EDN1: variants seen among roughly 807,000 people sequenced by gnomAD.
EDN1 encodes the protein endothelin-1.
In EDN1, 11 loss-of-function variants were observed where a neutral mutation model predicts 21.7. The ratio of observed to expected loss-of-function variants is 0.51; its 90% CI spans 0.32 to 0.84. The LOEUF (loss-of-function observed/expected upper bound fraction) is 0.84. Ranked by LOEUF, EDN1 falls within the 40% of genes least tolerant of loss-of-function variation. EDN1 has a pLI of 0.03. For synonymous variants in EDN1, 85 were observed against 90.6 expected, an observed-to-expected ratio of 0.94 and a Z score of 0.35; for missense variants, 244 against 262.3, an observed-to-expected ratio of 0.93 and a Z score of 0.48.
the EDN1 span, among the ~76,000 whole-genome samples, chr6:12,247,517 T>A: frequency 7.2e-6 from 1 of 138,868 alleles, no homozygotes; most frequent in South Asian, 2.3e-4. Context: ...GGATGATTTC[T>A]TTTTTTTTTT....
the EDN1 span, among the ~76,000 whole-genome samples, chr6:12,269,470 T>C: frequency 1.3e-5 from 2 of 152,112 alleles, no homozygotes; most frequent in Non-Finnish European, 2.9e-5. Context: ...GTTTGTCATA[T>C]ATGGCCTTTA....
the EDN1 span, among the ~76,000 whole-genome samples, chr6:12,276,161 C>CA: frequency 3.0e-3 from 204 of 68,604 alleles, 7 homozygotes; most frequent in African/African-American, 7.8e-3. Context: ...GACTCCATCT[C>CA]AAAAAAAAAA....
chr6:12,270,013 T>C, the EDN1 span, among the ~76,000 whole-genome samples: 14 of 152,078 alleles, frequency 9.2e-5, no homozygotes, highest in Admixed American at 5.2e-4. Flanking sequence ...TGTTTTCTGT[T>C]TCTTCATAAT....
the EDN1 span, among the ~76,000 whole-genome samples, chr6:12,239,318 A>ATG: frequency 6.6e-6 from 1 of 152,216 alleles, no homozygotes; most frequent in Admixed American, 6.5e-5. Flanking sequence ...TTATACTTGG[A>ATG]TGTTCTTGTT....
At chr6:12,287,271 C>A (rs1762571256), upstream of EDN1, among the ~76,000 whole-genome samples, 1 of 151,988 alleles carries the variant, frequency 6.6e-6, no homozygotes, top group Admixed American at 6.5e-5. Flanking sequence ...TTTCCCCCTG[C>A]AGTCCTCTGA....
upstream of EDN1, among the ~76,000 whole-genome samples, chr6:12,289,258 G>T (rs1762617056): frequency 1.3e-5 from 2 of 152,028 alleles, no homozygotes; most frequent in Non-Finnish European, 2.9e-5. Flanking sequence ...CACCTTCCTT[G>T]CATATTCACT....
chr6:12,246,114 G>A, the EDN1 span, among the ~76,000 whole-genome samples: 1 of 152,264 alleles, frequency 6.6e-6, no homozygotes, highest in East Asian at 1.9e-4. Context: ...TATGGCTCTT[G>A]AAAATGCTCT....
At chr6:12,286,241 C>G (rs1369158859), upstream of EDN1, among the ~76,000 whole-genome samples, 5 of 152,002 alleles carry the variant, frequency 3.3e-5, no homozygotes, top group Non-Finnish European at 5.9e-5. Context: ...GATGAGTGTC[C>G]AAGAAATAGA....
the EDN1 span, among the ~76,000 whole-genome samples, chr6:12,259,965 A>G: frequency 3.0e-5 from 4 of 131,770 alleles, no homozygotes; most frequent in African/African-American, 1.8e-4. Flanking sequence ...AAAGTAAAAT[A>G]ATTAACCCTA....
At chr6:12,266,491 GAC>G in the EDN1 span, among the ~76,000 whole-genome samples, 2 of 152,300 alleles carry the variant, frequency 1.3e-5, no homozygotes, top group Admixed American at 1.3e-4. Flanking sequence ...AGGCAGGAAA[GAC>G]ACAGTCCCTC....
the EDN1 span, among the ~76,000 whole-genome samples, chr6:12,283,152 T>TA: frequency 6.6e-6 from 1 of 152,312 alleles, no homozygotes. Context: ...CATTTTCAAA[T>TA]AAAAACAAAT....
the EDN1 span, among the ~76,000 whole-genome samples, chr6:12,232,139 T>C: frequency 1.5e-5 from 2 of 136,582 alleles, no homozygotes; most frequent in Non-Finnish European, 3.3e-5. Context: ...TAATATAATA[T>C]AATAAAGTGT....
chr6:12,234,987 A>C, the EDN1 span, among the ~76,000 whole-genome samples: 2 of 152,226 alleles, frequency 1.3e-5, no homozygotes, highest in Admixed American at 6.5e-5. Context: ...TATTCTTTAA[A>C]AGGATGATTT....
At chr6:12,237,382 C>T in the EDN1 span, among the ~76,000 whole-genome samples, 4 of 152,190 alleles carry the variant, frequency 2.6e-5, no homozygotes, top group South Asian at 4.1e-4. Context: ...GTTTTCAGGT[C>T]GGAGATAGTC....
upstream of EDN1, among the ~76,000 whole-genome samples, chr6:12,286,404 T>C (rs1481422101): frequency 6.6e-6 from 1 of 152,244 alleles, no homozygotes; most frequent in East Asian, 1.9e-4. Context: ...ACAGGCCTAA[T>C]AACTATATTA....
chr6:12,258,532 A>G, the EDN1 span, among the ~76,000 whole-genome samples: 3 of 151,660 alleles, frequency 2.0e-5, no homozygotes, highest in South Asian at 6.2e-4. Context: ...TTTTCATCAA[A>G]GGATTTATTT....
the EDN1 span, among the ~76,000 whole-genome samples, chr6:12,269,252 A>G: frequency 3.3e-5 from 5 of 152,076 alleles, no homozygotes; most frequent in Non-Finnish European, 5.9e-5. Flanking sequence ...AGGTTTTTCT[A>G]TATGCAAGTT....
At chr6:12,268,052 A>T in the EDN1 span, among the ~76,000 whole-genome samples, 1 of 152,206 alleles carries the variant, frequency 6.6e-6, no homozygotes, top group African/African-American at 2.4e-5. Flanking sequence ...TATTTTTTTT[A>T]AATGGCTTTC....
the EDN1 span, among the ~76,000 whole-genome samples, chr6:12,242,785 C>T: frequency 2.6e-5 from 4 of 152,024 alleles, no homozygotes; most frequent in African/African-American, 9.7e-5. Context: ...TCCAGCCCTC[C>T]TCATGGCCTG....
Sources: allele counts gnomAD v4.1 joint callset (sites outside exome capture counted in the v4.1 genomes callset), GRCh38; gene constraint gnomAD v4.1.1; transcripts MANE v1.5; gene names NCBI Gene and HGNC (gene_info 2026-07-23, HGNC 2026-07-21).